The following VMAC variants were observed in gnomAD, a reference collection of about 807,000 sequenced individuals.
VMAC encodes vimentin-type intermediate filament-associated coiled-coil protein.
Under a neutral mutation model 4.8 loss-of-function variants are expected in VMAC, and 8 were observed. The ratio of observed to expected loss-of-function variants is 1.68; its 90% confidence interval spans 0.99 to 3.03. VMAC has a LOEUF of 3.03. Ranked by LOEUF, VMAC falls within the 30% of genes most tolerant of loss-of-function variation. The pLI, the probability that VMAC is intolerant of heterozygous loss-of-function variation, is 0.00. For missense variants in VMAC, 248 were observed against 245.1 expected, an observed-to-expected ratio of 1.01 and a Z score of -0.08; for synonymous variants, 96 against 113.7, an observed-to-expected ratio of 0.84 and a Z score of 0.99.
At position 5,908,812 on chromosome 19, in the gene VMAC, C is replaced by T; in HGVS notation, c.192-12C>T. On this transcript the variant is annotated splice_polypyrimidine_tract_variant and intron_variant, in intron 1 of 1. Transcript: ENST00000339485. This position sits in a 1 kb window ranked among gnomAD's most constrained non-coding sequence, Gnocchi z 4.5. ...TCAGTTCTGTAATCACCTCCTCTTGCCTTCCTGCCAGTGAGATTGCCACAC... is the reference window on the plus strand; with the variant it reads ...TCAGTTCTGTAATCACCTCCTCTTGTCTTCCTGCCAGTGAGATTGCCACAC... The T allele has an allele frequency of 6.2e-7, 1 of 1,613,130 alleles. No homozygotes were observed. The highest frequency in any genetic ancestry group is 1.1e-5 in the South Asian group (1 of 91,038).
intron 1 of VMAC, among the ~76,000 whole-genome samples, chr19:5,907,313 C>T (rs963918939): frequency 6.6e-6 from 1 of 152,100 alleles, no homozygotes; most frequent in Non-Finnish European, 1.5e-5. Context: ...AGCTCCATCT[C>T]TAAATACCCT....
chr19:5,906,367 T>G (rs557583490), intron 1 of VMAC, among the ~76,000 whole-genome samples: 2 of 152,362 alleles, frequency 1.3e-5, no homozygotes, highest in African/African-American at 4.8e-5. Context: ...AGGTGGGAAC[T>G]ATTACTTCAG....
Position 5,905,101 on chromosome 19 carries a change from A to G in VMAC, c.191+20A>G, listed in dbSNP as rs998462867. 5 of 1,336,414 alleles carry G rather than the reference A, an allele frequency of 3.7e-6. No homozygotes were observed. The highest frequency in any genetic ancestry group is 4.8e-6 in the Non-Finnish European group (5 of 1,047,994). The allele number at this position is 1,336,414 out of a possible 1,614,324, so 82.8% of individuals were successfully genotyped here. A position where few individuals can be genotyped will look rare whatever the true frequency, so the allele number is the denominator to read the frequency against. On this transcript the variant is annotated intron_variant, in intron 1 of 1. Coordinates refer to ENST00000339485, the MANE Select transcript of VMAC (RefSeq NM_001017921.4). Reference sequence around the variant, plus strand: ...GGACCGGTGAGGCCCGGGGCCGGCCAGGTGGACTTCACCGAGGCGGTAGGC... The same window carrying G: ...GGACCGGTGAGGCCCGGGGCCGGCCGGGTGGACTTCACCGAGGCGGTAGGC...
Position 5,904,957 on chromosome 19 carries a change from G to C in VMAC, c.67G>C (p.Ala23Pro). The change falls in exon 1 of 2, where the codon GCA becomes CCA. Residue 23 changes from alanine to proline, a missense_variant. Transcript: ENST00000339485. ...ACACCTGGCAGCCGTGCACCGGCGCGCAGCGGAGCTGGAGGCGCGGCTGGA... is the reference window on the plus strand; with the variant it reads ...ACACCTGGCAGCCGTGCACCGGCGCCCAGCGGAGCTGGAGGCGCGGCTGGA... Reference protein sequence around the residue: ...NAHLAAVHRRAAELEARLDAA... With the variant: ...NAHLAAVHRRPAELEARLDAA... 4 of 1,479,050 alleles carry C rather than the reference G, an allele frequency of 2.7e-6. No homozygotes were observed. The highest frequency in any genetic ancestry group is 3.6e-6 in the Non-Finnish European group (4 of 1,125,084). The allele number at this position is 1,479,050 out of a possible 1,614,324, so 91.6% of individuals were successfully genotyped here.
chr19:5,908,992 C>T lies in VMAC; in HGVS notation c.360C>T (p.Ala120=). ...CACCCCTGGCTGGGCTGCTGGATGC[C>T]CTGGCTGAGGCTGAGCGCCTGGGGC... is the stretch of plus-strand genomic sequence containing the variant. ...RRPPLAGLLD[A]LAEAERLGPL... is the part of the protein sequence containing the mutation. The change falls in exon 2 of 2, where the codon GCC becomes GCT. Residue 120 remains alanine (A), a synonymous_variant. Coordinates refer to ENST00000339485, the MANE Select transcript of VMAC (RefSeq NM_001017921.4). This position sits in a 1 kb window ranked among gnomAD's most constrained non-coding sequence, Gnocchi z 4.5. 1.2e-6 allele frequency: 2 copies of T among 1,608,234 alleles called. No homozygotes were observed. Among genetic ancestry groups the T allele is most frequent in the Admixed American group, 1.7e-5 (1 of 59,174 alleles).
In VMAC at chr19:5,905,068, C is replaced by T. The variant is rs1158610321; in HGVS notation, c.178C>T (p.Arg60Cys). Residue 60 changes from arginine (R) to cysteine (C), a missense_variant, in exon 1 of 2, where the codon CGC becomes TGC. Physicochemically the swap from Arg to Cys is radical, Grantham distance 180. Transcript: ENST00000339485. ...QLRAALDELGRAKDREIATLQ... is the reference protein window; with the variant it reads ...QLRAALDELGCAKDREIATLQ... ...GCGCGCCGCCCTAGACGAACTGGGT[C>T]GCGCCAAGGACCGGTGAGGCCCGGG... 3 of 1,359,520 alleles carry T rather than the reference C, an allele frequency of 2.2e-6. No individual in the cohort carries two copies. The highest frequency in any genetic ancestry group is 1.9e-6 in the Non-Finnish European group (2 of 1,064,088). 84.2% of individuals were successfully genotyped at this position (1,359,520 alleles called of 1,614,324 possible).
In VMAC at chr19:5,908,160, A is replaced by G. The variant is rs1247752349; in HGVS notation, c.192-664A>G. On this transcript the variant is annotated intron_variant, in intron 1 of 1. Transcript: ENST00000339485. The surrounding 1 kb of genome is among the most constrained non-coding windows in gnomAD (Gnocchi z 4.5). Reference sequence around the variant, plus strand: ...GGAGTTTAAGACCAGTCTGGCCAACATGGCAAAACCTTGTCTCTACTAAAA... The same window carrying G: ...GGAGTTTAAGACCAGTCTGGCCAACGTGGCAAAACCTTGTCTCTACTAAAA... Among the ~76,000 whole-genome samples, 2 of 152,064 alleles carry G rather than the reference A, an allele frequency of 1.3e-5. No individual in the cohort carries two copies. The highest frequency in any genetic ancestry group is 1.3e-4 in the Admixed American group (2 of 15,260).
At chr19:5,906,582 G>A (rs115234384) in intron 1 of VMAC, among the ~76,000 whole-genome samples, 195 of 152,318 alleles carry the variant, frequency 1.3e-3, no homozygotes, top group African/African-American at 4.3e-3. Flanking sequence ...GGTGGCCAGC[G>A]GCCATGATGG....
chr19:5,905,108 C>T, intron 1 of VMAC, 27 bp downstream of exon 1: 1 of 1,335,950 alleles, frequency 7.5e-7, no homozygotes, highest in South Asian at 1.9e-5. Flanking sequence ...GCCAGGTGGA[C>T]TTCACCGAGG....
rs445493 is a variant in VMAC, at chr19:5,908,477, A to G, written c.192-347A>G. Among the ~76,000 whole-genome samples, 99,621 of 151,750 alleles carry G rather than the reference A, an allele frequency of 0.66. 32,956 individuals are homozygous for G. Among genetic ancestry groups the G allele is most frequent in the Admixed American group, 0.78 (11,818 of 15,236 alleles). ...TGAAGATACAAAAAACTAGCCGGGCATAGTGGTGGGCACCTGTAATCCCAG... is the reference window on the plus strand; with the variant it reads ...TGAAGATACAAAAAACTAGCCGGGCGTAGTGGTGGGCACCTGTAATCCCAG... On this transcript the variant is annotated intron_variant, in intron 1 of 1. Coordinates refer to ENST00000339485, the MANE Select transcript of VMAC (RefSeq NM_001017921.4). This position sits in a 1 kb window ranked among gnomAD's most constrained non-coding sequence, Gnocchi z 4.5.
chr19:5,909,258 C>A lies in VMAC; in HGVS notation c.*116C>A, dbSNP rs1254143579. 4 of 1,217,734 alleles carry A rather than the reference C, an allele frequency of 3.3e-6. No individual in the cohort carries two copies. The East Asian group carries it at 1.0e-4, about 31-fold the overall frequency. The allele number at this position is 1,217,734 out of a possible 1,614,324, so 75.4% of individuals were successfully genotyped here. Reference sequence around the variant, plus strand: ...CAGAGCCAAAGTCCTGTCTAAGCATCAGAACAGGCTGAACAGTCAAAAAGT... The same window carrying A: ...CAGAGCCAAAGTCCTGTCTAAGCATAAGAACAGGCTGAACAGTCAAAAAGT... On this transcript the variant is annotated 3_prime_UTR_variant, in exon 2 of 2. Coordinates refer to ENST00000339485, the MANE Select transcript of VMAC (RefSeq NM_001017921.4).
Position 5,909,196 on chromosome 19 carries a change from T to G in VMAC, c.*54T>G. On this transcript the variant is annotated 3_prime_UTR_variant, in exon 2 of 2. Coordinates refer to ENST00000339485, the MANE Select transcript of VMAC (RefSeq NM_001017921.4). ...CAGAAAGCCACTGCTGTCAGTGTCC[T>G]TGGGAGTCACCAGCACCCTGCAGGG... 6.6e-7 allele frequency: 1 copy of G among 1,511,216 alleles called. No individual in the cohort carries two copies. The highest frequency in any genetic ancestry group is 8.8e-7 in the Non-Finnish European group (1 of 1,135,690). The allele number at this position is 1,511,216 out of a possible 1,614,324, so 93.6% of individuals were successfully genotyped here.
In VMAC at chr19:5,908,954, T is replaced by C. The variant is rs759177741; in HGVS notation, c.322T>C (p.Cys108Arg). The C allele has an allele frequency of 1.2e-6, 2 of 1,613,214 alleles. No individual in the cohort carries two copies. Among genetic ancestry groups the C allele is most frequent in the Non-Finnish European group, 1.7e-6 (2 of 1,179,788 alleles). ...CCGGGCTGAGCTGCTGCAGGACATC[T>C]GCCGCCGCCGGCCACCCCTGGCTGG... ...QPRAELLQDI[C>R]RRRPPLAGLL... Residue 108 changes from cysteine (C) to arginine (R), a missense_variant, in exon 2 of 2, where the codon TGC (cysteine) becomes CGC (arginine). Transcript: ENST00000339485. This position sits in a 1 kb window ranked among gnomAD's most constrained non-coding sequence, Gnocchi z 4.5.
chr19:5,910,584 C>T lies in VMAC; in HGVS notation c.*1442C>T, dbSNP rs1196617546. 3 of 151,414 alleles carry T rather than the reference C, an allele frequency of 2.0e-5. No homozygotes were observed. The highest frequency in any genetic ancestry group is 6.6e-5 in the Admixed American group (1 of 15,190). The allele number at this position is 151,414 out of a possible 1,614,324, so 9.4% of individuals were successfully genotyped here. A position where few individuals can be genotyped will look rare whatever the true frequency, so the allele number is the denominator to read the frequency against. ...TGGTGGCGGGTGCCTGTAATCCCAG[C>T]TACTGAACCCGGGAGGCGGAGGTTG... On this transcript the variant is annotated 3_prime_UTR_variant, in exon 2 of 2. Coordinates refer to ENST00000339485, the MANE Select transcript of VMAC (RefSeq NM_001017921.4).
rs559930204 is a variant in VMAC, at chr19:5,908,167, A to G, written c.192-657A>G. 2.6e-5 allele frequency among the ~76,000 whole-genome samples: 4 copies of G among 151,888 alleles called. No individual in the cohort carries two copies. Among genetic ancestry groups the G allele is most frequent in the African/African-American group, 9.7e-5 (4 of 41,388 alleles). Reference sequence around the variant, plus strand: ...AAGACCAGTCTGGCCAACATGGCAAAACCTTGTCTCTACTAAAAATACAAA... The same window carrying G: ...AAGACCAGTCTGGCCAACATGGCAAGACCTTGTCTCTACTAAAAATACAAA... On this transcript the variant is annotated intron_variant, in intron 1 of 1. Coordinates refer to ENST00000339485, the MANE Select transcript of VMAC (RefSeq NM_001017921.4). This position sits in a 1 kb window ranked among gnomAD's most constrained non-coding sequence, Gnocchi z 4.5.
rs775775608 is a variant in VMAC, at chr19:5,908,856, C to T, written c.224C>T (p.Thr75Ile). ...EIATLQEQLM[T>I]SEATVHSLQA... is the part of the protein sequence containing the mutation. Reference sequence around the variant, plus strand: ...GCCACACTCCAGGAGCAGCTGATGACCTCAGAAGCCACTGTCCACAGCCTG... The same window carrying T: ...GCCACACTCCAGGAGCAGCTGATGATCTCAGAAGCCACTGTCCACAGCCTG... The change falls in exon 2 of 2, where the codon ACC becomes ATC. Residue 75 changes from threonine (T) to isoleucine (I), a missense_variant. Transcript: ENST00000339485. The surrounding 1 kb of genome is among the most constrained non-coding windows in gnomAD (Gnocchi z 4.5). The T allele has an allele frequency of 6.2e-7, 1 of 1,613,746 alleles. No individual in the cohort carries two copies. Among genetic ancestry groups the T allele is most frequent in the East Asian group, 2.2e-5 (1 of 44,878 alleles).
intron 1 of VMAC, among the ~76,000 whole-genome samples, chr19:5,907,636 A>G (rs1599701610): frequency 7.0e-6 from 1 of 143,284 alleles, no homozygotes; most frequent in East Asian, 2.0e-4. Flanking sequence ...AAAAAAAAAA[A>G]TTAGCTGGGC....
At position 5,908,187 on chromosome 19, in the gene VMAC, T is replaced by A. The variant is rs77579301; in HGVS notation, c.192-637T>A. On this transcript the variant is annotated intron_variant, in intron 1 of 1. Coordinates refer to ENST00000339485, the MANE Select transcript of VMAC (RefSeq NM_001017921.4). This position sits in a 1 kb window ranked among gnomAD's most constrained non-coding sequence, Gnocchi z 4.5. ...GGCAAAACCTTGTCTCTACTAAAAA[T>A]ACAAAAATCAGTCAGGCATGGTGGC... Among the ~76,000 whole-genome samples the A allele has an allele frequency of 6.6e-6, 1 of 151,218 alleles. No homozygotes were observed. The highest frequency in any genetic ancestry group is 1.5e-5 in the Non-Finnish European group (1 of 67,866).
chr19:5,909,213 C>A lies in VMAC; in HGVS notation c.*71C>A. ...CAGTGTCCTTGGGAGTCACCAGCACCCTGCAGGGGGACCCTACGGCAGAGC... is the reference window on the plus strand; with the variant it reads ...CAGTGTCCTTGGGAGTCACCAGCACACTGCAGGGGGACCCTACGGCAGAGC... On this transcript the variant is annotated 3_prime_UTR_variant, in exon 2 of 2. Transcript: ENST00000339485. 1 of 1,471,784 alleles carries A rather than the reference C, an allele frequency of 6.8e-7. No individual in the cohort carries two copies. Among genetic ancestry groups the A allele is most frequent in the Non-Finnish European group, 9.0e-7 (1 of 1,108,372 alleles). The allele number at this position is 1,471,784 out of a possible 1,614,324, so 91.2% of individuals were successfully genotyped here.
Sources: gnomAD v4.1 joint callset for allele counts (sites outside exome capture counted in the v4.1 genomes callset) on GRCh38, gnomAD v4.1.1 for gene constraint, Gnocchi (gnomAD v3.1) non-coding constraint, MANE v1.5 for transcripts, NCBI Gene and HGNC (gene_info 2026-07-23, HGNC 2026-07-21) for gene names.